Variants in CRTAP observed in about 807,000 individuals in gnomAD.
CRTAP encodes cartilage associated protein.
Under a neutral mutation model 42.7 loss-of-function variants are expected in CRTAP, and 33 were observed. That is an observed-to-expected ratio of 0.77 (90% confidence interval 0.59 to 1.03). CRTAP has a LOEUF of 1.03. Ranked by LOEUF, CRTAP falls within the 50% of genes least tolerant of loss-of-function variation. The pLI, the probability that CRTAP is intolerant of heterozygous loss-of-function variation, is 0.00. For synonymous variants in CRTAP, 243 were observed against 217.7 expected, an observed-to-expected ratio of 1.12 and a Z score of -1.02; for missense variants, 613 against 533.9, an observed-to-expected ratio of 1.15 and a Z score of -1.46.
intron 3 of CRTAP, among the ~76,000 whole-genome samples, chr3:33,127,699 C>T (rs975533060): frequency 2.0e-5 from 3 of 151,748 alleles, no homozygotes; most frequent in Admixed American, 6.6e-5. Flanking sequence ...CCACCCACCT[C>T]GGCCTCCCAA....
At chr3:33,117,178 T>C (rs1199009113) in intron 1 of CRTAP, among the ~76,000 whole-genome samples, 2 of 152,328 alleles carry the variant, frequency 1.3e-5, no homozygotes, top group East Asian at 3.9e-4. Context: ...GGCAGGCACA[T>C]ACATTCTACC....
intron 2 of CRTAP, among the ~76,000 whole-genome samples, chr3:33,121,355 T>C (rs555108221): frequency 2.0e-5 from 3 of 150,556 alleles, no homozygotes; most frequent in African/African-American, 7.5e-5. Context: ...GAGGTTGCAA[T>C]GAGCTGAGAT....
Position 33,124,523 on chromosome 3 carries a change from C to T in CRTAP, c.737C>T (p.Ala246Val), listed in dbSNP as rs776204059. ...FFKAFYECLA[A>V]CEGSREIKDF... ...AAAGCCTTTTACGAGTGTCTCGCAG[C>T]CTGCGAGGGTTCCAGGGAGATCAAG... Residue 246 changes from alanine (A) to valine (V), a missense_variant, in exon 3 of 7, where the codon GCC becomes GTC. By Grantham distance (64) the Ala-to-Val change is moderately conservative (BLOSUM62 0). Coordinates refer to ENST00000320954, the MANE Select transcript of CRTAP (RefSeq NM_006371.5). 1 of 1,614,220 alleles carries T rather than the reference C, an allele frequency of 6.2e-7. No homozygotes were observed. Among genetic ancestry groups the T allele is most frequent in the South Asian group, 1.1e-5 (1 of 91,088 alleles).
At chr3:33,116,494 G>C (rs1339445826) in intron 1 of CRTAP, among the ~76,000 whole-genome samples, 1 of 152,164 alleles carries the variant, frequency 6.6e-6, no homozygotes, top group Non-Finnish European at 1.5e-5. Context: ...GAGTAGCTGG[G>C]ATTACGGGCA....
In CRTAP at chr3:33,143,629, A is replaced by G. The variant is rs556192429; in HGVS notation, c.*1181A>G. On this transcript the variant is annotated 3_prime_UTR_variant, in exon 7 of 7. Coordinates refer to ENST00000320954, the MANE Select transcript of CRTAP (RefSeq NM_006371.5). ...AGAAAGAGATAGCCAATACATAGGA[A>G]TAAATATATACAAGGTATCATGTAG... is the stretch of plus-strand genomic sequence containing the variant. The G allele has an allele frequency of 5.9e-5, 9 of 152,348 alleles. No homozygotes were observed. The highest frequency in any genetic ancestry group is 1.9e-4 in the African/African-American group (8 of 41,584). The allele number at this position is 152,348 out of a possible 1,614,324, so 9.4% of individuals were successfully genotyped here.
chr3:33,126,865 A>T (rs1472811134), intron 3 of CRTAP, among the ~76,000 whole-genome samples: 1 of 152,252 alleles, frequency 6.6e-6, no homozygotes, highest in Non-Finnish European at 1.5e-5. Context: ...TTTCCAGGTC[A>T]TAGGTAGGTG....
rs983853643 is a variant in CRTAP, at chr3:33,114,194, C to A, written c.117C>A (p.Asp39Glu). 6.3e-6 allele frequency: 10 copies of A among 1,593,540 alleles called. No individual in the cohort carries two copies. In the African/African-American group the frequency reaches 1.2e-4, roughly 19 times the overall value. The stretch of plus-strand genomic sequence containing the variant: ...ACAGCTTCCGCAGCTTCCCACGGGA[C>A]GAGCTGATGCCGCTCGAGTCGGCCT... Reference protein sequence around the residue: ...ERYSFRSFPRDELMPLESAYR... With the variant: ...ERYSFRSFPREELMPLESAYR... The change falls in exon 1 of 7, where the codon GAC becomes GAA. Residue 39 changes from aspartate to glutamate, a missense_variant. Transcript: ENST00000320954.
chr3:33,139,500 G>A (rs1038351327), intron 6 of CRTAP, among the ~76,000 whole-genome samples: 3 of 149,572 alleles, frequency 2.0e-5, no homozygotes, highest in Non-Finnish European at 4.4e-5. Context: ...TTTTGAGACG[G>A]AGTTTCACTC....
intron 4 of CRTAP, among the ~76,000 whole-genome samples, chr3:33,130,743 A>G (rs999610066): frequency 1.3e-5 from 2 of 151,930 alleles, no homozygotes; most frequent in Non-Finnish European, 2.9e-5. Context: ...TATCTTGGCC[A>G]GGCTAGTCTT....
chr3:33,132,728 TTTCTC>T (rs1426038624), intron 5 of CRTAP, 28 bp downstream of exon 5: 51 of 1,612,468 alleles, frequency 3.2e-5, no homozygotes, highest in Non-Finnish European at 4.2e-5. Flanking sequence ...CACCTTCCCT[TTTCTC>T]TTCATTCTTG....
At chr3:33,123,624 GGTTTTT>G (rs1559433658) in intron 2 of CRTAP, among the ~76,000 whole-genome samples, 4 of 120,052 alleles carry the variant, frequency 3.3e-5, no homozygotes, top group Non-Finnish European at 6.6e-5. Flanking sequence ...ACCCAGTCTC[GGTTTTT>G]TTTTTTTTTT....
At chr3:33,116,987 G>GA (rs1488760816) in intron 1 of CRTAP, among the ~76,000 whole-genome samples, 1 of 152,088 alleles carries the variant, frequency 6.6e-6, no homozygotes, top group East Asian at 1.9e-4. Flanking sequence ...TGCCTTTCTA[G>GA]TTTCAGCTAC....
At chr3:33,116,105 G>C (rs1701340034) in intron 1 of CRTAP, among the ~76,000 whole-genome samples, 1 of 152,060 alleles carries the variant, frequency 6.6e-6, no homozygotes, top group Non-Finnish European at 1.5e-5. Flanking sequence ...ATAATCAAGA[G>C]GAAATCATTT....
chr3:33,116,633 A>G (rs1701346130), intron 1 of CRTAP, among the ~76,000 whole-genome samples: 2 of 152,246 alleles, frequency 1.3e-5, no homozygotes, highest in African/African-American at 4.8e-5. Context: ...TGCTGAGATT[A>G]CAGTCTGGGA....
rs1389125581 is a variant in CRTAP, at chr3:33,114,193, A to G, written c.116A>G (p.Asp39Gly). 1.3e-6 allele frequency: 2 copies of G among 1,593,120 alleles called. No homozygotes were observed. Among genetic ancestry groups the G allele is most frequent in the African/African-American group, 2.7e-5 (2 of 73,548 alleles). The change falls in exon 1 of 7, where the codon GAC becomes GGC. Residue 39 changes from aspartate to glycine, a missense_variant. By Grantham distance (94) the Asp-to-Gly change is moderately conservative (BLOSUM62 -1). Transcript: ENST00000320954. ...TACAGCTTCCGCAGCTTCCCACGGGACGAGCTGATGCCGCTCGAGTCGGCC... is the reference window on the plus strand; with the variant it reads ...TACAGCTTCCGCAGCTTCCCACGGGGCGAGCTGATGCCGCTCGAGTCGGCC... Reference protein sequence around the residue: ...ERYSFRSFPRDELMPLESAYR... With the variant: ...ERYSFRSFPRGELMPLESAYR...
intron 3 of CRTAP, among the ~76,000 whole-genome samples, chr3:33,129,687 A>G (rs538241883): frequency 1.6e-3 from 246 of 151,462 alleles, no homozygotes; most frequent in African/African-American, 4.4e-3. Context: ...ACAGGCGCCC[A>G]CCACGACGCC....
rs763633483 is a variant in CRTAP at position 33,146,458 on chromosome 3, G to A, written c.*4010G>A. On this transcript the variant is annotated 3_prime_UTR_variant, in exon 7 of 7. Coordinates refer to ENST00000320954, the MANE Select transcript of CRTAP (RefSeq NM_006371.5). ...TGCTACTGTTCACACTTGACTTGTG[G>A]AGAAGCGAAGGGCTGAGGGGAGGTT... 4 of 152,314 alleles carry A rather than the reference G, an allele frequency of 2.6e-5. No homozygotes were observed. Among genetic ancestry groups the A allele is most frequent in the Non-Finnish European group, 5.9e-5 (4 of 68,122 alleles). 9.4% of individuals were successfully genotyped at this position (152,314 alleles called of 1,614,324 possible). A position where few individuals can be genotyped will look rare whatever the true frequency, so the allele number is the denominator to read the frequency against.
rs533167456 is a variant in CRTAP at position 33,132,240 on chromosome 3, C to G, written c.923-315C>G. Among the ~76,000 whole-genome samples, 4 of 152,334 alleles carry G rather than the reference C, an allele frequency of 2.6e-5. No individual in the cohort carries two copies. The East Asian group carries it at 7.7e-4, about 29-fold the overall frequency. ...AGCACATCCTCCCTATCTCCCTCAG[C>G]CCCAGGACAATCCAGCTTTTTCCAG... On this transcript the variant is annotated intron_variant, in intron 4 of 6. Transcript: ENST00000320954.
chr3:33,136,408 C>T (rs771375527), intron 6 of CRTAP, among the ~76,000 whole-genome samples: 1 of 151,962 alleles, frequency 6.6e-6, no homozygotes, highest in African/African-American at 2.4e-5. Context: ...TTTTTTATAC[C>T]TAGGAGTATA....
Sources: gnomAD v4.1 joint callset for allele counts (sites outside exome capture counted in the v4.1 genomes callset) on GRCh38, gnomAD v4.1.1 for gene constraint, MANE v1.5 for transcripts, NCBI Gene and HGNC (gene_info 2026-07-23, HGNC 2026-07-21) for gene names.